ACO2: variants seen among roughly 807,000 people sequenced by gnomAD.
The protein encoded by ACO2 is aconitate hydratase, mitochondrial.
Under a neutral mutation model 84.5 loss-of-function variants are expected in ACO2, and 31 were observed. The observed-to-expected ratio is 0.37, with a 90% confidence interval of 0.28 to 0.50. The LOEUF (loss-of-function observed/expected upper bound fraction) is 0.50. Among genes scored for constraint, ACO2 ranks in the 20% least tolerant of loss-of-function variants. The pLI is 0.97. For synonymous variants in ACO2, 414 were observed against 412.7 expected (o/e 1.00, Z -0.04); for missense variants, 685 against 1,029.3 (o/e 0.67, Z 4.58).
intron 1 of ACO2, among the ~76,000 whole-genome samples, chr22:41,497,703 A>G (rs1201926739): frequency 6.6e-6 from 1 of 152,048 alleles, no homozygotes; most frequent in Non-Finnish European, 1.5e-5. Flanking sequence ...ACCAATATGT[A>G]GAAACTGCAT....
At chr22:41,502,611 G>T (rs1237212430) in intron 2 of ACO2, among the ~76,000 whole-genome samples, 1 of 152,104 alleles carries the variant, frequency 6.6e-6, no homozygotes, top group African/African-American at 2.4e-5. Context: ...GTTGTTGTTT[G>T]TGTTTGTTTC....
intron 1 of ACO2, among the ~76,000 whole-genome samples, chr22:41,498,960 G>C (rs1358349100): frequency 1.3e-5 from 2 of 152,080 alleles, no homozygotes; most frequent in Non-Finnish European, 2.9e-5. Context: ...CAGGCATGGT[G>C]GTGCGTGCCT....
In ACO2 at chr22:41,520,214, A is replaced by G; in HGVS notation, c.1076A>G (p.His359Arg). The G allele has an allele frequency of 6.2e-7, 1 of 1,613,910 alleles. No homozygotes were observed. The highest frequency in any genetic ancestry group is 8.5e-7 in the Non-Finnish European group (1 of 1,179,892). ...GGGCCCTTCACCCCTGACCTGGCTC[A>G]CCCTGTGGCAGAAGTGGGCAAGGTG... ...INGPFTPDLA[H>R]PVAEVGKVAE... Residue 359 changes from histidine to arginine, a missense_variant, in exon 9 of 18, where the codon CAC becomes CGC. Transcript: ENST00000216254.
rs772881111 is a variant in ACO2, at chr22:41,523,004, C to T, written c.1296+17C>T. ...GACGGCTATGTGAGTGCCCATATCC[C>T]CCTGCCCATCTCCCCCACCCCATGC... On this transcript the variant is annotated intron_variant, in intron 10 of 17. Coordinates refer to ENST00000216254, the MANE Select transcript of ACO2 (RefSeq NM_001098.3). 3.1e-6 allele frequency: 5 copies of T among 1,613,324 alleles called. No individual in the cohort carries two copies. The highest frequency in any genetic ancestry group is 4.2e-6 in the Non-Finnish European group (5 of 1,179,458).
chr22:41,497,466 G>A (rs909591216), intron 1 of ACO2, among the ~76,000 whole-genome samples: 6 of 152,160 alleles, frequency 3.9e-5, no homozygotes, highest in African/African-American at 1.2e-4. Context: ...ATACAGGCCC[G>A]GTACAGCGGC....
chr22:41,469,218 C>T (rs2037907767), intron 1 of ACO2, 36 bp downstream of exon 1: 3 of 1,599,144 alleles, frequency 1.9e-6, no homozygotes, highest in Non-Finnish European at 2.6e-6. Flanking sequence ...TTCACGGGGG[C>T]GGGGTGCCTC....
chr22:41,496,713 C>G (rs1477015708), intron 1 of ACO2, among the ~76,000 whole-genome samples: 5 of 152,124 alleles, frequency 3.3e-5, no homozygotes, highest in African/African-American at 9.7e-5. Context: ...TGCACCTACC[C>G]AGTGAGGCAG....
At chr22:41,520,558 A>G (rs1003148007) in intron 9 of ACO2, among the ~76,000 whole-genome samples, 5 of 151,770 alleles carry the variant, frequency 3.3e-5, no homozygotes, top group Admixed American at 3.3e-4. Context: ...AAATGCAAAA[A>G]TTGGCCAGGG....
At chr22:41,498,925 C>T (rs1160390721) in intron 1 of ACO2, among the ~76,000 whole-genome samples, 5 of 151,978 alleles carry the variant, frequency 3.3e-5, no homozygotes, top group African/African-American at 9.7e-5. Flanking sequence ...GAAACCCCGT[C>T]TCTACTAAAA....
intron 2 of ACO2, among the ~76,000 whole-genome samples, chr22:41,504,613 G>C (rs2146111775): frequency 6.6e-6 from 1 of 152,178 alleles, no homozygotes; most frequent in East Asian, 1.9e-4. Context: ...GCCGCAATCG[G>C]CGCAGGCTGT....
intron 1 of ACO2, among the ~76,000 whole-genome samples, chr22:41,476,548 A>G (rs1389762102): frequency 6.6e-6 from 1 of 151,716 alleles, no homozygotes; most frequent in East Asian, 1.9e-4. Flanking sequence ...TCTCTACTAA[A>G]AATAGAAAAA....
chr22:41,496,777 C>T (rs1015759556), intron 1 of ACO2, among the ~76,000 whole-genome samples: 2 of 152,132 alleles, frequency 1.3e-5, no homozygotes, highest in Non-Finnish European at 2.9e-5. Context: ...GATGTGAAGT[C>T]TGGACTGGGG....
intron 16 of ACO2, 38 bp downstream of exon 16, chr22:41,527,458 TC>T (rs1326146496): frequency 1.9e-6 from 3 of 1,574,338 alleles, no homozygotes; most frequent in Non-Finnish European, 1.7e-6. Flanking sequence ...CCTCATCCCA[TC>T]CCTAGTGATC....
At chr22:41,508,762 A>G (rs373456138) in intron 3 of ACO2, among the ~76,000 whole-genome samples, 177 of 152,238 alleles carry the variant, frequency 1.2e-3, no homozygotes, top group African/African-American at 4.1e-3. Context: ...TCTTGGCAAC[A>G]GCGGGCCTCT....
chr22:41,525,273 C>T lies in ACO2; in HGVS notation c.1686C>T (p.Ser562=). The T allele has an allele frequency of 6.2e-7, 1 of 1,614,062 alleles. No individual in the cohort carries two copies. The highest frequency in any genetic ancestry group is 8.5e-7 in the Non-Finnish European group (1 of 1,179,998). The part of the protein sequence containing the change: ...SGQHVDVSPT[S]QRLQLLEPFD... ...AGCATGTGGACGTGAGCCCCACCAG[C>T]CAGCGCCTGCAGCTCCTGGAGCCTT... Residue 562 remains serine, a synonymous_variant, in exon 14 of 18, where the codon AGC becomes AGT. Transcript: ENST00000216254.
chr22:41,483,798 GAGGATGTGTTC>G (rs780004853), intron 1 of ACO2, among the ~76,000 whole-genome samples: 38 of 152,124 alleles, frequency 2.5e-4, no homozygotes, highest in Non-Finnish European at 4.4e-4. Context: ...GCAGATACTT[GAGGATGTGTTC>G]TCTCAAAACG....
chr22:41,481,601 T>TG (rs1466572666), intron 1 of ACO2, among the ~76,000 whole-genome samples: 1 of 152,258 alleles, frequency 6.6e-6, no homozygotes, highest in African/African-American at 2.4e-5. Flanking sequence ...GCAGCATGTC[T>TG]GACTTTGGCC....
At chr22:41,480,970 T>C (rs2038080379) in intron 1 of ACO2, among the ~76,000 whole-genome samples, 1 of 152,048 alleles carries the variant, frequency 6.6e-6, no homozygotes, top group Non-Finnish European at 1.5e-5. Context: ...CACAGGCTAA[T>C]TTTTGTATTT....
Position 41,515,435 on chromosome 22 carries a change from C to T in ACO2, c.584C>T (p.Thr195Ile), listed in dbSNP as rs752492047. 5 of 1,613,754 alleles carry T rather than the reference C, an allele frequency of 3.1e-6. No homozygotes were observed. Among genetic ancestry groups the T allele is most frequent in the Admixed American group, 3.3e-5 (2 of 60,014 alleles). The change falls in exon 5 of 18, where the codon ACC becomes ATC. Residue 195 changes from threonine to isoleucine, a missense_variant. By Grantham distance (89) the Thr-to-Ile change is moderately conservative (BLOSUM62 -1). This residue lies in a region of ACO2 where 92 missense variants were observed against 203.7 expected (regional missense o/e 0.45). Coordinates refer to ENST00000216254, the MANE Select transcript of ACO2 (RefSeq NM_001098.3). This position sits in a 1 kb window ranked among gnomAD's most constrained non-coding sequence, Gnocchi z 5.8. ...GVLLIGTDSH[T>I]PNGGGLGGIC... is the part of the protein sequence containing the mutation. ...CTTCTGATTGGCACTGACTCCCACA[C>T]CCCCAATGGTGGCGGCCTTGGGGGC...
Sources: allele counts gnomAD v4.1 joint callset (sites outside exome capture counted in the v4.1 genomes callset), GRCh38; gene constraint gnomAD v4.1.1; regional missense constraint gnomAD v4.1.1; non-coding constraint Gnocchi (gnomAD v3.1); transcripts MANE v1.5; gene names NCBI Gene and HGNC (gene_info 2026-07-23, HGNC 2026-07-21).